The following MYOM2 variants were observed in gnomAD, a reference collection of about 807,000 sequenced individuals.
MYOM2 encodes the protein myomesin-2.
MYOM2 carries 254 observed loss-of-function variants against 187.6 expected under a neutral mutation model. The observed-to-expected ratio is 1.35, with a 90% CI of 1.22 to 1.50. The LOEUF (loss-of-function observed/expected upper bound fraction) is 1.50, where lower values mean the gene tolerates loss of function less well. MYOM2 is among the 40% of genes most tolerant of loss of function. The pLI is 0.00. For missense variants in MYOM2, 2,796 were observed against 1,924.0 expected (o/e 1.45, Z -8.48); for synonymous variants, 981 against 753.8 (o/e 1.30, Z -4.94).
chr8:2,045,055 C>G lies in MYOM2; in HGVS notation c.-126C>G, dbSNP rs1196167160. The G allele has an allele frequency of 6.6e-6, 1 of 152,522 alleles. No individual in the cohort carries two copies. The highest frequency in any genetic ancestry group is 1.5e-5 in the Non-Finnish European group (1 of 68,126). The allele number at this position is 152,522 out of a possible 1,614,324, so 9.4% of individuals were successfully genotyped here. A position where few individuals can be genotyped will look rare whatever the true frequency, so the allele number is the denominator to read the frequency against. On this transcript the variant is annotated 5_prime_UTR_variant, in exon 1 of 37. Coordinates refer to ENST00000262113, the MANE Select transcript of MYOM2 (RefSeq NM_003970.4). The stretch of plus-strand genomic sequence containing the variant: ...TCAGACCTTAAACGGGAGGGAGGCA[C>G]AGGCGCTTGCTTTGCAGGAGTCAGC...
chr8:2,113,158 C>T (rs1373928928), intron 25 of MYOM2, among the ~76,000 whole-genome samples: 12 of 152,224 alleles, frequency 7.9e-5, no homozygotes, highest in Admixed American at 7.2e-4. Flanking sequence ...TCCACACTCC[C>T]GTGATTCTAC....
At chr8:2,099,069 A>G in intron 19 of MYOM2, 86 bp downstream of exon 19, 1 of 1,450,070 alleles carries the variant, frequency 6.9e-7, no homozygotes, top group Non-Finnish European at 9.2e-7. Flanking sequence ...TGGACTCGCC[A>G]GCCTTCACAG....
Position 2,085,283 on chromosome 8 carries a change from C to A in MYOM2, c.1537C>A (p.Pro513Thr), listed in dbSNP as rs142749566. The A allele has an allele frequency of 6.2e-7, 1 of 1,614,056 alleles. No individual in the cohort carries two copies. The highest frequency in any genetic ancestry group is 2.2e-5 in the East Asian group (1 of 44,866). ...TCCAGGTGACGCCCAGGTTCCAGGG[C>A]CTCCCACCGGTGTGCACGCTTCCGA... ...DLEGDAQVPG[P>T]PTGVHASEIS... The change falls in exon 14 of 37, where the codon CCT (proline) becomes ACT (threonine). Residue 513 changes from proline (P) to threonine (T), a missense_variant. Physicochemically the swap from Pro to Thr is conservative, Grantham distance 38. Coordinates refer to ENST00000262113, the MANE Select transcript of MYOM2 (RefSeq NM_003970.4).
intron 8 of MYOM2, among the ~76,000 whole-genome samples, chr8:2,070,313 G>C (rs940266632): frequency 2.6e-5 from 4 of 152,254 alleles, no homozygotes; most frequent in Non-Finnish European, 4.4e-5. Context: ...TGCTGGGAGT[G>C]GAGAGTTGAC....
intron 18 of MYOM2, chr8:2,098,009 A>G (rs62478400): frequency 0.054 from 8,196 of 151,648 alleles, 313 homozygotes; most frequent in South Asian, 0.082. Context: ...CTACTGTTTC[A>G]GATTCCACAT....
Position 2,108,823 on chromosome 8 carries a change from G to C in MYOM2, c.3036G>C (p.Lys1012Asn). 1 of 1,613,876 alleles carries C rather than the reference G, an allele frequency of 6.2e-7. No homozygotes were observed. Among genetic ancestry groups the C allele is most frequent in the Non-Finnish European group, 8.5e-7 (1 of 1,179,934 alleles). The change falls in exon 24 of 37, where the codon AAG becomes AAC. Residue 1012 changes from lysine to asparagine, a missense_variant. Physicochemically the swap from Lys to Asn is moderately conservative, Grantham distance 94 (BLOSUM62 0). Transcript: ENST00000262113. ...ERLMALSNEIKNPTIPLKSEL... is the reference protein window; with the variant it reads ...ERLMALSNEINNPTIPLKSEL... The stretch of plus-strand genomic sequence containing the variant: ...TGATGGCATTGAGCAATGAAATAAA[G>C]AACCCCAGTAAGTAAGCCTCCAGCC...
chr8:2,099,457 G>A (rs10089196), intron 19 of MYOM2, among the ~76,000 whole-genome samples: 56,865 of 151,542 alleles, frequency 0.38, 11,498 homozygotes, highest in East Asian at 0.6. Flanking sequence ...TGGGGATCTC[G>A]GGGGAGGCAC....
chr8:2,099,066 G>A (rs1317393809), intron 19 of MYOM2, 83 bp downstream of exon 19: 9 of 1,460,006 alleles, frequency 6.2e-6, no homozygotes, highest in African/African-American at 2.8e-5. Flanking sequence ...CTCTGGACTC[G>A]CCAGCCTTCA....
intron 19 of MYOM2, 134 bp downstream of exon 19, chr8:2,099,117 C>A: frequency 8.1e-7 from 1 of 1,238,708 alleles, no homozygotes. Flanking sequence ...CGCAGAGCCA[C>A]CGTGCGCCAG....
At chr8:2,143,487 G>T (rs758285032) in intron 36 of MYOM2, 31 bp downstream of exon 36, 1 of 1,613,766 alleles carries the variant, frequency 6.2e-7, no homozygotes. Context: ...CGGGGTGGGG[G>T]TGTCAGCACG....
intron 16 of MYOM2, among the ~76,000 whole-genome samples, 198 bp from the exon 17 acceptor site, chr8:2,093,772 G>C (rs1333959778): frequency 6.6e-6 from 1 of 152,230 alleles, no homozygotes; most frequent in Non-Finnish European, 1.5e-5. Flanking sequence ...ACCACGTGTA[G>C]TCAGCTCCTG....
chr8:2,048,214 A>C (rs1220463030), intron 1 of MYOM2, among the ~76,000 whole-genome samples: 1 of 152,228 alleles, frequency 6.6e-6, no homozygotes, highest in Non-Finnish European at 1.5e-5. Context: ...CGTCTGCTGG[A>C]GTGGAATTGC....
intron 18 of MYOM2, among the ~76,000 whole-genome samples, chr8:2,098,334 T>G (rs1796565999): frequency 1.3e-5 from 2 of 152,102 alleles, no homozygotes; most frequent in African/African-American, 4.8e-5. Context: ...GAGGGCCCGG[T>G]GGGTGGCCCC....
intron 3 of MYOM2, among the ~76,000 whole-genome samples, 160 bp downstream of exon 3, chr8:2,052,473 C>T (rs527657745): frequency 4.6e-5 from 7 of 152,356 alleles, no homozygotes; most frequent in Non-Finnish European, 7.4e-5. Context: ...TTCCCAATCA[C>T]CTGCTTCTCT....
intron 28 of MYOM2, among the ~76,000 whole-genome samples, chr8:2,120,667 T>TAC (rs1417275868): frequency 3.3e-3 from 3 of 898 alleles, no homozygotes; most frequent in African/African-American, 7.2e-3. Flanking sequence ...TGTATATATA[T>TAC]ATATATATTA....
chr8:2,068,136 C>T (rs1479051731), intron 6 of MYOM2, among the ~76,000 whole-genome samples: 1 of 151,834 alleles, frequency 6.6e-6, no homozygotes, highest in Non-Finnish European at 1.5e-5. Flanking sequence ...GTGCGCCAGG[C>T]AGAGAGCATA....
chr8:2,050,736 T>C lies in MYOM2; in HGVS notation c.-12-19T>C, dbSNP rs1818454226. ...ATGCTTGCGAGGGAGCTCAGTGTTG[T>C]GTGTGACTCTCTTTGTAGGAGCACG... is the stretch of plus-strand genomic sequence containing the variant. On this transcript the variant is annotated intron_variant, in intron 1 of 36. Transcript: ENST00000262113. The C allele has an allele frequency of 6.8e-7, 1 of 1,468,280 alleles. No individual in the cohort carries two copies. The highest frequency in any genetic ancestry group is 1.1e-5 in the South Asian group (1 of 87,700). 91.0% of individuals were successfully genotyped at this position (1,468,280 alleles called of 1,614,324 possible). A position where few individuals can be genotyped will look rare whatever the true frequency, so the allele number is the denominator to read the frequency against.
In MYOM2 at chr8:2,072,503, C is replaced by G. The variant is rs745632633; in HGVS notation, c.952C>G (p.Arg318Gly). The change falls in exon 9 of 37, where the codon CGC becomes GGC. Residue 318 changes from arginine to glycine, a missense_variant. Arg to Gly is a moderately radical substitution (Grantham distance 125). Transcript: ENST00000262113. ...GGTGCAGCCGCGCGCCGAGTGGTAC[C>G]GCGATGGTGAGTAGGACACGGCCCA... is the stretch of plus-strand genomic sequence containing the variant. ...KRVQPRAEWYRDDVLLKESKW... is the reference protein window; with the variant it reads ...KRVQPRAEWYGDDVLLKESKW... 5 of 1,612,958 alleles carry G rather than the reference C, an allele frequency of 3.1e-6. No individual in the cohort carries two copies. Among genetic ancestry groups the G allele is most frequent in the African/African-American group, 1.3e-5 (1 of 75,058 alleles).
intron 32 of MYOM2, among the ~76,000 whole-genome samples, chr8:2,137,250 A>C (rs1283053869): frequency 6.6e-6 from 1 of 151,916 alleles, no homozygotes. Flanking sequence ...GGATGAGCTC[A>C]CACAGGGTGA....
Sources: allele counts gnomAD v4.1 joint callset (sites outside exome capture counted in the v4.1 genomes callset), GRCh38; gene constraint gnomAD v4.1.1; transcripts MANE v1.5; gene names NCBI Gene and HGNC (gene_info 2026-07-23, HGNC 2026-07-21).